The following CXCR2 variants were observed in gnomAD, a reference collection of about 807,000 sequenced individuals.
The protein encoded by CXCR2 is C-X-C chemokine receptor type 2.
Under a neutral mutation model 3.7 loss-of-function variants are expected in CXCR2, and 2 were observed. The observed-to-expected ratio is 0.55, with a 90% confidence interval of 0.22 to 1.72. The LOEUF is 1.72. CXCR2 is among the 40% of genes most tolerant of loss of function. The pLI, the probability that CXCR2 is intolerant of heterozygous loss-of-function variation, is 0.19. For missense variants in CXCR2, 351 were observed against 450.1 expected (o/e 0.78, Z 1.99); for synonymous variants, 203 against 193.3 (o/e 1.05, Z -0.41).
At position 218,135,526 on chromosome 2, in the gene CXCR2, A is replaced by G. The variant is rs954830075; in HGVS notation, c.725A>G (p.His242Arg). 1.9e-6 allele frequency: 3 copies of G among 1,614,048 alleles called. No homozygotes were observed. The African/African-American group carries it at 4.0e-5, about 22-fold the overall frequency. The change falls in exon 3 of 3, where the codon CAC becomes CGC. Residue 242 changes from histidine (H) to arginine (R), a missense_variant. His to Arg is a conservative substitution (Grantham distance 29, BLOSUM62 0). Transcript: ENST00000318507. This position sits in a 1 kb window ranked among gnomAD's most constrained non-coding sequence, Gnocchi z 4.0. ...ACCCTGCGTACGCTGTTTAAGGCCCACATGGGGCAGAAGCACCGGGCCATG... is the reference window on the plus strand; with the variant it reads ...ACCCTGCGTACGCTGTTTAAGGCCCGCATGGGGCAGAAGCACCGGGCCATG... The part of the protein sequence containing the change: ...GFTLRTLFKA[H>R]MGQKHRAMRV...
chr2:218,131,161 T>C (rs1289978581), intron 2 of CXCR2, among the ~76,000 whole-genome samples: 1 of 152,212 alleles, frequency 6.6e-6, no homozygotes, highest in Non-Finnish European at 1.5e-5. Flanking sequence ...ATGCCCTACA[T>C]CTACTCTCAA....
chr2:218,127,520 G>A (rs1345260945), intron 1 of CXCR2, among the ~76,000 whole-genome samples: 1 of 152,182 alleles, frequency 6.6e-6, no homozygotes, highest in African/African-American at 2.4e-5. Flanking sequence ...AGGCTGACTG[G>A]GAAATGTCAA....
intron 1 of CXCR2, among the ~76,000 whole-genome samples, chr2:218,126,822 G>T (rs1446169902): frequency 1.1e-5 from 1 of 93,210 alleles, no homozygotes; most frequent in East Asian, 2.4e-4. Flanking sequence ...TAATTTTTTG[G>T]GTTTTGTTTG....
intron 2 of CXCR2, 64 bp from the exon 3 acceptor site, chr2:218,134,713 C>A (rs1158883498): frequency 6.9e-7 from 1 of 1,447,170 alleles, no homozygotes; most frequent in African/African-American, 1.4e-5. Flanking sequence ...ATCCCAGTTT[C>A]TTGAGTGGAT....
chr2:218,131,644 T>G (rs1690649937), intron 2 of CXCR2, among the ~76,000 whole-genome samples: 1 of 151,874 alleles, frequency 6.6e-6, no homozygotes, highest in Admixed American at 6.6e-5. Flanking sequence ...TAATTTTTTG[T>G]ATTTTTAGTA....
At position 218,135,553 on chromosome 2, in the gene CXCR2, G is replaced by C. The variant is rs199561988; in HGVS notation, c.752G>C (p.Arg251Pro). The change falls in exon 3 of 3, where the codon CGG becomes CCG. Residue 251 changes from arginine (R) to proline (P), a missense_variant. Physicochemically the swap from Arg to Pro is moderately radical, Grantham distance 103. Coordinates refer to ENST00000318507, the MANE Select transcript of CXCR2 (RefSeq NM_001557.4). The surrounding 1 kb of genome is among the most constrained non-coding windows in gnomAD (Gnocchi z 4.0). ...ATGGGGCAGAAGCACCGGGCCATGC[G>C]GGTCATCTTTGCTGTCGTCCTCATC... is the stretch of plus-strand genomic sequence containing the variant. ...AHMGQKHRAM[R>P]VIFAVVLIFL... 1 of 1,614,052 alleles carries C rather than the reference G, an allele frequency of 6.2e-7. No individual in the cohort carries two copies.
intron 1 of CXCR2, among the ~76,000 whole-genome samples, chr2:218,127,177 A>G (rs1456466211): frequency 1.3e-5 from 2 of 152,172 alleles, no homozygotes; most frequent in Non-Finnish European, 2.9e-5. Context: ...CCCAGGCTGG[A>G]ATGCAATGGC....
rs6741079 is a variant in CXCR2, at chr2:218,126,759, C to T, written c.-78+406C>T. Among the ~76,000 whole-genome samples, 1,497 of 152,124 alleles carry T rather than the reference C, an allele frequency of 9.8e-3. 33 individuals carry two copies. The highest frequency in any genetic ancestry group is 0.034 in the African/African-American group (1,420 of 41,494). On this transcript the variant is annotated intron_variant, in intron 1 of 2. Coordinates refer to ENST00000318507, the MANE Select transcript of CXCR2 (RefSeq NM_001557.4). ...AACCTACAGGTCTAGGTGATTCTCC[C>T]ACCTCAGCCTCCCAAGTAGCTGCAG...
intron 1 of CXCR2, among the ~76,000 whole-genome samples, chr2:218,126,928 G>A (rs987882582): frequency 2.6e-5 from 4 of 152,030 alleles, no homozygotes; most frequent in Admixed American, 1.3e-4. Flanking sequence ...CGCCCACCTC[G>A]GCCTCCCAAA....
At chr2:218,125,494 C>T (rs1426951480), upstream of CXCR2, 1 of 152,046 alleles carries the variant, frequency 6.6e-6, no homozygotes, top group Non-Finnish European at 1.5e-5. Flanking sequence ...TGAATCTCTA[C>T]ACGCTATTCT....
intron 1 of CXCR2, among the ~76,000 whole-genome samples, chr2:218,127,762 G>T (rs1464856203): frequency 1.3e-5 from 2 of 152,192 alleles, no homozygotes; most frequent in Non-Finnish European, 2.9e-5. Flanking sequence ...TCCAGAAAGT[G>T]CCTGCTTCGT....
chr2:218,127,879 A>G (rs1373440156), intron 1 of CXCR2, among the ~76,000 whole-genome samples: 2 of 152,222 alleles, frequency 1.3e-5, no homozygotes, highest in Non-Finnish European at 2.9e-5. Flanking sequence ...ATTAATATCC[A>G]GGTCAAAGTA....
intron 2 of CXCR2, 95 bp from the exon 3 acceptor site, chr2:218,134,682 C>G: frequency 8.4e-7 from 1 of 1,187,936 alleles, no homozygotes; most frequent in Non-Finnish European, 1.2e-6. Flanking sequence ...TTGTAATACT[C>G]AAGCCAACAC....
In CXCR2 at chr2:218,135,953, G is replaced by A. The variant is rs202145285; in HGVS notation, c.*69G>A. ...TTCACAGTCACATTCCAAGCCTCATGTCCACTGGTTCTTCTTGGTCTCAGT... is the reference window on the plus strand; with the variant it reads ...TTCACAGTCACATTCCAAGCCTCATATCCACTGGTTCTTCTTGGTCTCAGT... On this transcript the variant is annotated 3_prime_UTR_variant, in exon 3 of 3. Coordinates refer to ENST00000318507, the MANE Select transcript of CXCR2 (RefSeq NM_001557.4). The surrounding 1 kb of genome is among the most constrained non-coding windows in gnomAD (Gnocchi z 4.0). 2.8e-5 allele frequency: 43 copies of A among 1,524,936 alleles called. No homozygotes were observed. The African/African-American group carries it at 5.7e-4, about 20-fold the overall frequency. 94.5% of individuals were successfully genotyped at this position (1,524,936 alleles called of 1,614,324 possible).
In CXCR2 at chr2:218,134,842, T is replaced by A; in HGVS notation, c.41T>A (p.Phe14Tyr). Residue 14 changes from phenylalanine (F) to tyrosine (Y), a missense_variant, in exon 3 of 3, where the codon TTC becomes TAC. Transcript: ENST00000318507. ...ATGGAGAGTGACAGCTTTGAAGATT[T>A]CTGGAAAGGTGAAGATCTTAGTAAT... ...FNMESDSFED[F>Y]WKGEDLSNYS... is the part of the protein sequence containing the mutation. The A allele has an allele frequency of 6.2e-7, 1 of 1,614,094 alleles. No individual in the cohort carries two copies. The highest frequency in any genetic ancestry group is 8.5e-7 in the Non-Finnish European group (1 of 1,179,966).
Position 218,135,291 on chromosome 2 carries a change from T to A in CXCR2, c.490T>A (p.Phe164Ile). The A allele has an allele frequency of 6.2e-7, 1 of 1,614,224 alleles. No homozygotes were observed. The highest frequency in any genetic ancestry group is 2.2e-5 in the East Asian group (1 of 44,886). The change falls in exon 3 of 3, where the codon TTC becomes ATC. Residue 164 changes from phenylalanine to isoleucine, a missense_variant. Phe to Ile is a conservative substitution (Grantham distance 21). Transcript: ENST00000318507. The surrounding 1 kb of genome is among the most constrained non-coding windows in gnomAD (Gnocchi z 4.0). ...TLTQKRYLVK[F>I]ICLSIWGLSL... The stretch of plus-strand genomic sequence containing the variant: ...GACCCAGAAGCGCTACTTGGTCAAA[T>A]TCATATGTCTCAGCATCTGGGGTCT...
rs773306755 is a variant in CXCR2 at position 218,134,995 on chromosome 2, G to A, written c.194G>A (p.Gly65Glu). ...YALVFLLSLL[G>E]NSLVMLVILY... The stretch of plus-strand genomic sequence containing the variant: ...CTGGTATTCCTGCTGAGCCTGCTGG[G>A]AAACTCCCTCGTGATGCTGGTCATC... Residue 65 changes from glycine to glutamate, a missense_variant, in exon 3 of 3, where the codon GGA becomes GAA. Coordinates refer to ENST00000318507, the MANE Select transcript of CXCR2 (RefSeq NM_001557.4). 6.2e-7 allele frequency: 1 copy of A among 1,614,140 alleles called. No individual in the cohort carries two copies. Among genetic ancestry groups the A allele is most frequent in the Non-Finnish European group, 8.5e-7 (1 of 1,180,016 alleles).
intron 1 of CXCR2, among the ~76,000 whole-genome samples, chr2:218,128,676 G>A (rs1253466070): frequency 6.6e-6 from 1 of 152,224 alleles, no homozygotes. Context: ...GTGGTAAGCT[G>A]CTGCAGAGTT....
chr2:218,125,582 GT>G (rs35231134), upstream of CXCR2: 84,334 of 148,136 alleles, frequency 0.57, 24,659 homozygotes, highest in African/African-American at 0.75. Flanking sequence ...ATTTGTTTTT[GT>G]TTTTTTTTTT....
Sources: gnomAD v4.1 joint callset for allele counts (sites outside exome capture counted in the v4.1 genomes callset) on GRCh38, gnomAD v4.1.1 for gene constraint, Gnocchi (gnomAD v3.1) non-coding constraint, MANE v1.5 for transcripts, NCBI Gene and HGNC (gene_info 2026-07-23, HGNC 2026-07-21) for gene names.